Variants in OXR1 observed in about 807,000 individuals in gnomAD.
OXR1 encodes the protein oxidation resistance protein 1.
Under a neutral mutation model 104.6 loss-of-function variants are expected in OXR1, and 41 were observed. The observed-to-expected ratio is 0.39, with a 90% CI of 0.31 to 0.51. OXR1 has a LOEUF of 0.51. Ranked by LOEUF, OXR1 falls within the 20% of genes least tolerant of loss-of-function variation. The pLI is 0.77. For missense variants in OXR1, 955 were observed against 1,031.9 expected (o/e 0.93, Z 1.02); for synonymous variants, 348 against 348.4 (o/e 1.00, Z 0.01).
intron 1 of OXR1, among the ~76,000 whole-genome samples, chr8:106,295,164 T>C (rs1221307985): frequency 6.6e-6 from 1 of 152,178 alleles, no homozygotes; most frequent in Non-Finnish European, 1.5e-5. Context: ...TGGTTAGCAC[T>C]TAACTTTGGG....
intron 3 of OXR1, among the ~76,000 whole-genome samples, chr8:106,611,504 AAG>A (rs1253954339): frequency 6.6e-6 from 1 of 152,216 alleles, no homozygotes; most frequent in Admixed American, 6.5e-5. Context: ...GGGTGATCGA[AAG>A]AGAGCATCCC....
At chr8:106,509,963 G>A (rs1246141067) in intron 2 of OXR1, among the ~76,000 whole-genome samples, 1 of 151,968 alleles carries the variant, frequency 6.6e-6, no homozygotes, top group Non-Finnish European at 1.5e-5. Flanking sequence ...GTAGAGATGG[G>A]ATTTCACCAT....
rs551565327 is a variant in OXR1, at chr8:106,489,765, C to T, written c.24-29178C>T. Among the ~76,000 whole-genome samples the T allele has an allele frequency of 1.8e-3, 269 of 152,144 alleles. 1 individual carries two copies. The highest frequency in any genetic ancestry group is 2.8e-3 in the Non-Finnish European group (192 of 67,998). On this transcript the variant is annotated intron_variant, in intron 2 of 16. Coordinates refer to ENST00000517566, the MANE Select transcript of OXR1 (RefSeq NM_001198533.2). ...ATGAAAAATACTTGCATTCTGTTGG[C>T]TTGAGTTTTGTGGGCTTTATTAACA...
intron 2 of OXR1, among the ~76,000 whole-genome samples, chr8:106,400,838 C>A (rs910689901): frequency 3.9e-5 from 6 of 152,064 alleles, no homozygotes; most frequent in African/African-American, 1.4e-4. Context: ...TAGATTATGA[C>A]AGATAGATAC....
chr8:106,542,113 C>T (rs1815000030), intron 3 of OXR1, among the ~76,000 whole-genome samples: 1 of 152,008 alleles, frequency 6.6e-6, no homozygotes, highest in Non-Finnish European at 1.5e-5. Flanking sequence ...ATAAAGTGAC[C>T]CTTTCTTTTA....
chr8:106,506,087 A>G (rs1812139969), intron 2 of OXR1, among the ~76,000 whole-genome samples: 1 of 152,218 alleles, frequency 6.6e-6, no homozygotes, highest in South Asian at 2.1e-4. Flanking sequence ...AAAGTGTTAC[A>G]AAGGAAAGGA....
intron 2 of OXR1, among the ~76,000 whole-genome samples, chr8:106,383,147 G>A (rs1379407807): frequency 6.6e-6 from 1 of 152,066 alleles, no homozygotes; most frequent in Admixed American, 6.6e-5. Flanking sequence ...TTTTCCCATT[G>A]TTAATAATAA....
At chr8:106,491,794 G>T (rs1469023989) in intron 2 of OXR1, among the ~76,000 whole-genome samples, 3 of 152,102 alleles carry the variant, frequency 2.0e-5, no homozygotes, top group Non-Finnish European at 4.4e-5. Context: ...ATGAAGCTAG[G>T]AATGAGAAAT....
chr8:106,448,694 C>T (rs1165222004), intron 2 of OXR1, among the ~76,000 whole-genome samples: 1 of 152,098 alleles, frequency 6.6e-6, no homozygotes, highest in Non-Finnish European at 1.5e-5. Context: ...CCGGCATAGA[C>T]CTCATTACAG....
In OXR1 at chr8:106,706,472, T is replaced by A; in HGVS notation, c.951T>A (p.Asp317Glu). The A allele has an allele frequency of 6.3e-7, 1 of 1,593,700 alleles. No homozygotes were observed. The highest frequency in any genetic ancestry group is 8.5e-7 in the Non-Finnish European group (1 of 1,174,776). Reference sequence around the variant, plus strand: ...AGGAAATAGACTCAAGAATCCGAGATGCAGGTAATGATAGTGCCAGCACTG... The same window carrying A: ...AGGAAATAGACTCAAGAATCCGAGAAGCAGGTAATGATAGTGCCAGCACTG... Reference protein sequence around the residue: ...NTEEIDSRIRDAGNDSASTAP... With the variant: ...NTEEIDSRIREAGNDSASTAP... Residue 317 changes from aspartate (D) to glutamate (E), a missense_variant, in exon 9 of 17, where the codon GAT becomes GAA. By Grantham distance (45) the Asp-to-Glu change is conservative (BLOSUM62 2). Transcript: ENST00000517566.
intron 2 of OXR1, among the ~76,000 whole-genome samples, chr8:106,484,066 A>G (rs1161687708): frequency 2.0e-5 from 3 of 152,116 alleles, no homozygotes; most frequent in Non-Finnish European, 4.4e-5. Flanking sequence ...AAGAAAAAAA[A>G]TGATAAGCTG....
At chr8:106,643,511 G>T (rs1379137606) in intron 3 of OXR1, among the ~76,000 whole-genome samples, 1 of 151,906 alleles carries the variant, frequency 6.6e-6, no homozygotes, top group Non-Finnish European at 1.5e-5. Flanking sequence ...TAATAGAAGA[G>T]CTCCAAGTTA....
chr8:106,745,759 A>G (rs529556614), intron 15 of OXR1, 30 bp from the exon 16 acceptor site: 10 of 1,096,166 alleles, frequency 9.1e-6, no homozygotes, highest in South Asian at 4.2e-5. Context: ...TTTCATCTAT[A>G]TATTTAAAGC....
At chr8:106,463,947 G>T (rs1362046844) in intron 2 of OXR1, among the ~76,000 whole-genome samples, 2 of 152,064 alleles carry the variant, frequency 1.3e-5, no homozygotes, top group Non-Finnish European at 2.9e-5. Context: ...TTTCTTCATA[G>T]ATACATAACT....
chr8:106,348,274 T>C (rs1419524920), intron 1 of OXR1, among the ~76,000 whole-genome samples: 1 of 152,078 alleles, frequency 6.6e-6, no homozygotes, highest in Non-Finnish European at 1.5e-5. Context: ...TGAAGCAAAG[T>C]CTGAAAAGTC....
intron 2 of OXR1, among the ~76,000 whole-genome samples, chr8:106,433,944 T>C (rs1819465585): frequency 6.6e-6 from 1 of 152,208 alleles, no homozygotes; most frequent in African/African-American, 2.4e-5. Flanking sequence ...ATTACATTCA[T>C]GATAATAGTG....
chr8:106,740,286 A>G, intron 13 of OXR1, 57 bp from the exon 14 acceptor site: 1 of 1,369,420 alleles, frequency 7.3e-7, no homozygotes, highest in Non-Finnish European at 1.0e-6. Flanking sequence ...TGGCATTAGT[A>G]TTCTACATAA....
At position 106,618,241 on chromosome 8, in the gene OXR1, A is replaced by T. The variant is rs914730783; in HGVS notation, c.221-60969A>T. 1.6e-5 allele frequency: 21 copies of T among 1,343,020 alleles called. No individual in the cohort carries two copies. The African/African-American group carries it at 2.9e-4, about 18-fold the overall frequency. The allele number at this position is 1,343,020 out of a possible 1,614,324, so 83.2% of individuals were successfully genotyped here. A position where few individuals can be genotyped will look rare whatever the true frequency, so the allele number is the denominator to read the frequency against. On this transcript the variant is annotated intron_variant, in intron 3 of 16. Transcript: ENST00000517566. ...TAAGTTATTTTGGAAAGTCAGATAC[A>T]GCGGACATTAAAGGGCACACTTTAT...
chr8:106,595,280 G>A (rs1332208480), intron 3 of OXR1, among the ~76,000 whole-genome samples: 2 of 151,046 alleles, frequency 1.3e-5, no homozygotes, highest in East Asian at 2.0e-4. Context: ...GGCCGGGTGC[G>A]CTGGCTCACG....
Sources: gnomAD v4.1 joint callset for allele counts (sites outside exome capture counted in the v4.1 genomes callset) on GRCh38, gnomAD v4.1.1 for gene constraint, MANE v1.5 for transcripts, NCBI Gene and HGNC (gene_info 2026-07-23, HGNC 2026-07-21) for gene names.